Variants in KLF17 observed in about 807,000 individuals in gnomAD.
The protein encoded by KLF17 is Krueppel-like factor 17.
KLF17 carries 31 observed loss-of-function variants against 34.2 expected under a neutral mutation model. The observed-to-expected ratio is 0.91, with a 90% confidence interval of 0.68 to 1.22. The LOEUF (loss-of-function observed/expected upper bound fraction) is 1.22, where lower values mean the gene tolerates loss of function less well. KLF17 is among the 50% of genes most tolerant of loss of function. The pLI, the probability that KLF17 is intolerant of heterozygous loss-of-function variation, is 0.00. For synonymous variants in KLF17, 179 were observed against 186.7 expected (o/e 0.96, Z 0.34); for missense variants, 478 against 505.2 (o/e 0.95, Z 0.52).
the KLF17 span, among the ~76,000 whole-genome samples, chr1:44,106,164 C>A: frequency 6.6e-6 from 1 of 152,060 alleles, no homozygotes; most frequent in East Asian, 1.9e-4. Context: ...CCTTCCATCA[C>A]CACTCCTATC....
the KLF17 span, among the ~76,000 whole-genome samples, chr1:44,061,993 G>T: frequency 6.6e-6 from 1 of 152,212 alleles, no homozygotes. Flanking sequence ...GGGTAGCCCT[G>T]CTCTGCAGGA....
At chr1:44,055,642 T>G in the KLF17 span, among the ~76,000 whole-genome samples, 2 of 152,184 alleles carry the variant, frequency 1.3e-5, no homozygotes, top group Non-Finnish European at 2.9e-5. Context: ...TAGACCCCTC[T>G]GTTTGGGTCA....
chr1:44,053,849 A>G, the KLF17 span, among the ~76,000 whole-genome samples: 1 of 152,248 alleles, frequency 6.6e-6, no homozygotes, highest in Non-Finnish European at 1.5e-5. Context: ...GGAAAAACAA[A>G]GAATTCTAGA....
chr1:44,107,723 TA>T, the KLF17 span, among the ~76,000 whole-genome samples: 1 of 152,236 alleles, frequency 6.6e-6, no homozygotes, highest in Non-Finnish European at 1.5e-5. Flanking sequence ...TATGTTCAAG[TA>T]ACCCTTATTT....
At chr1:44,111,181 T>C in the KLF17 span, among the ~76,000 whole-genome samples, 1 of 145,594 alleles carries the variant, frequency 6.9e-6, no homozygotes, top group Non-Finnish European at 1.5e-5. Context: ...TTTGTAGAGA[T>C]GAAGAAGTGT....
At position 44,130,512 on chromosome 1, in the gene KLF17, G is replaced by C; in HGVS notation, c.926G>C (p.Gly309Ala). 6.2e-7 allele frequency: 1 copy of C among 1,614,046 alleles called. No individual in the cohort carries two copies. Among genetic ancestry groups the C allele is most frequent in the Non-Finnish European group, 8.5e-7 (1 of 1,179,988 alleles). The change falls in exon 3 of 4, where the codon GGT (glycine) becomes GCT (alanine). Residue 309 changes from glycine to alanine, a missense_variant and splice_region_variant. Gly to Ala is a moderately conservative substitution (Grantham distance 60). Transcript: ENST00000372299. Reference sequence around the variant, plus strand: ...TCCATCTCTCCCTTGTCATTCCCAGGTGAGAGGCCATATTCTTGCAACTGG... The same window carrying C: ...TCCATCTCTCCCTTGTCATTCCCAGCTGAGAGGCCATATTCTTGCAACTGG... ...HLVSHQRKHTGERPYSCNWES... is the reference protein window; with the variant it reads ...HLVSHQRKHTAERPYSCNWES...
chr1:44,086,989 G>C, the KLF17 span, among the ~76,000 whole-genome samples: 1 of 152,230 alleles, frequency 6.6e-6, no homozygotes, highest in Non-Finnish European at 1.5e-5. Flanking sequence ...AAGCAGTCCA[G>C]TCAACACAGT....
At chr1:44,121,363 C>T (rs1024622043) in intron 1 of KLF17, among the ~76,000 whole-genome samples, 8 of 152,204 alleles carry the variant, frequency 5.3e-5, no homozygotes, top group African/African-American at 1.9e-4. Flanking sequence ...GATCTACCCG[C>T]CTCAGCCTCC....
At chr1:44,097,302 G>T in the KLF17 span, among the ~76,000 whole-genome samples, 1 of 152,152 alleles carries the variant, frequency 6.6e-6, no homozygotes, top group Admixed American at 6.6e-5. Context: ...GTAGTGTGAT[G>T]CCTCCAGCTT....
chr1:44,095,274 G>A, the KLF17 span, among the ~76,000 whole-genome samples: 53 of 146,644 alleles, frequency 3.6e-4, no homozygotes, highest in East Asian at 4.3e-3. Context: ...GGAGTGCAAT[G>A]GCGTGATCTC....
At chr1:44,099,874 A>AAAG in the KLF17 span, among the ~76,000 whole-genome samples, 3 of 66,438 alleles carry the variant, frequency 4.5e-5, no homozygotes, top group African/African-American at 1.4e-4. Flanking sequence ...AGAAAGAAAG[A>AAAG]AAGAAAGAAA....
At chr1:44,117,429 C>CTTTT (rs1426562388), upstream of KLF17, 4 of 134,058 alleles carry the variant, frequency 3.0e-5, no homozygotes, top group Non-Finnish European at 6.5e-5. Flanking sequence ...TGGACAGCTC[C>CTTTT]TTTTTTATTT....
At chr1:44,057,431 A>G in the KLF17 span, among the ~76,000 whole-genome samples, 1 of 152,210 alleles carries the variant, frequency 6.6e-6, no homozygotes, top group Non-Finnish European at 1.5e-5. Flanking sequence ...AGGAGGTAGC[A>G]GTTAGTCACT....
chr1:44,122,192 T>C (rs2154311443), intron 1 of KLF17: 1 of 1,598,610 alleles, frequency 6.3e-7, no homozygotes, highest in Non-Finnish European at 8.6e-7. Flanking sequence ...CACGGCCACG[T>C]CCTCTTCCTC....
chr1:44,090,940 A>ACG, the KLF17 span, among the ~76,000 whole-genome samples: 1 of 141,004 alleles, frequency 7.1e-6, no homozygotes, highest in African/African-American at 2.6e-5. Context: ...ACACGCACAC[A>ACG]CACACACACA....
At chr1:44,065,000 G>A in the KLF17 span, among the ~76,000 whole-genome samples, 2 of 152,184 alleles carry the variant, frequency 1.3e-5, no homozygotes, top group African/African-American at 4.8e-5. Context: ...GTCAAGAGAT[G>A]TTTATAGGCT....
the KLF17 span, among the ~76,000 whole-genome samples, chr1:44,096,704 G>GT: frequency 5.1e-4 from 58 of 112,678 alleles, no homozygotes; most frequent in Non-Finnish European, 1.0e-3. Context: ...CCAGCCTACG[G>GT]TTTTTAAAAA....
chr1:44,053,376 A>T, the KLF17 span, among the ~76,000 whole-genome samples: 2 of 152,084 alleles, frequency 1.3e-5, no homozygotes. Context: ...GAAGCACATC[A>T]GGTATTGTAG....
the KLF17 span, among the ~76,000 whole-genome samples, chr1:44,083,975 A>G: frequency 6.6e-6 from 1 of 152,132 alleles, no homozygotes; most frequent in Non-Finnish European, 1.5e-5. Flanking sequence ...TTCAACCTCC[A>G]GCTCAGTTTC....
Sources: gnomAD v4.1 joint callset for allele counts (sites outside exome capture counted in the v4.1 genomes callset) on GRCh38, gnomAD v4.1.1 for gene constraint, MANE v1.5 for transcripts, NCBI Gene and HGNC (gene_info 2026-07-23, HGNC 2026-07-21) for gene names.